CHAT: variants seen among roughly 807,000 people sequenced by gnomAD.
The protein encoded by CHAT is acetyl CoA:choline O-acetyltransferase.
Under a neutral mutation model 76.9 loss-of-function variants are expected in CHAT, and 61 were observed. The observed-to-expected ratio is 0.79, with a 90% confidence interval of 0.65 to 0.98. The LOEUF (loss-of-function observed/expected upper bound fraction) is 0.98. CHAT is among the 50% of genes least tolerant of loss of function. The pLI is 0.00. For synonymous variants in CHAT, 407 were observed against 397.4 expected (o/e 1.02, Z -0.29); for missense variants, 946 against 986.9 (o/e 0.96, Z 0.56).
intron 7 of CHAT, among the ~76,000 whole-genome samples, chr10:49,632,812 A>C (rs1214211692): frequency 6.6e-6 from 1 of 152,070 alleles, no homozygotes; most frequent in Non-Finnish European, 1.5e-5. Flanking sequence ...CTGCCACGAC[A>C]CTGAGGGCAT....
intron 7 of CHAT, among the ~76,000 whole-genome samples, chr10:49,634,146 G>A (rs1327879553): frequency 6.6e-6 from 1 of 152,210 alleles, no homozygotes; most frequent in Non-Finnish European, 1.5e-5. Context: ...TTCAGTAGGA[G>A]AATGAAGGCC....
intron 11 of CHAT, among the ~76,000 whole-genome samples, chr10:49,653,091 A>C (rs1264502123): frequency 1.3e-5 from 2 of 149,552 alleles, no homozygotes; most frequent in African/African-American, 4.9e-5. Context: ...CATTCTGGGC[A>C]TCTCGCATGC....
In CHAT at chr10:49,614,245, G is replaced by T. The variant is rs546932446; in HGVS notation, c.56G>T (p.Arg19Ile). The T allele has an allele frequency of 3.2e-6, 5 of 1,545,880 alleles. No homozygotes were observed. In the African/African-American group the frequency reaches 5.5e-5, roughly 17 times the overall value. ...RGLGGGGKWK[R>I]EEGGGTRGRR... ...CTTGGGGGAGGGGGGAAATGGAAGA[G>T]AGAGGAGGGAGGAGGTACAAGAGGA... The change falls in exon 1 of 15, where the codon AGA becomes ATA. Residue 19 changes from arginine to isoleucine, a missense_variant. This residue lies in a region of CHAT where 548 missense variants were observed against 516.2 expected (regional missense o/e 1.06). Transcript: ENST00000337653.
At chr10:49,639,536 TATATAC>T (rs1452688441) in intron 7 of CHAT, among the ~76,000 whole-genome samples, 6 of 19,518 alleles carry the variant, frequency 3.1e-4, no homozygotes, top group African/African-American at 6.0e-4. Context: ...ATATAGTATA[TATATAC>T]ACACACACAC....
intron 7 of CHAT, 140 bp from the exon 8 acceptor site, chr10:49,646,365 G>A (rs992056135): frequency 9.6e-6 from 10 of 1,041,742 alleles, no homozygotes; most frequent in East Asian, 9.5e-5. Context: ...GGGGCAAGGT[G>A]GGGGGTCAGG....
upstream of CHAT, chr10:49,612,331 C>T (rs148062083): frequency 1.2e-4 from 194 of 1,585,554 alleles, no homozygotes; most frequent in African/African-American, 2.1e-3. Flanking sequence ...CTACTACACC[C>T]GCAGCTAGCA....
chr10:49,639,107 C>T (rs568555895), intron 7 of CHAT, among the ~76,000 whole-genome samples: 2 of 152,080 alleles, frequency 1.3e-5, no homozygotes, highest in Non-Finnish European at 2.9e-5. Flanking sequence ...TGGTGGCAGG[C>T]GCCTGTAATC....
chr10:49,652,791 C>A (rs1164112101), intron 11 of CHAT, among the ~76,000 whole-genome samples: 1 of 151,840 alleles, frequency 6.6e-6, no homozygotes, highest in African/African-American at 2.4e-5. Context: ...CCAGCTCTCT[C>A]CTGCCTCCTG....
At chr10:49,648,078 T>G in intron 8 of CHAT, 3 of 235,446 alleles carry the variant, frequency 1.3e-5, no homozygotes, top group Non-Finnish European at 2.5e-5. Context: ...GGAAGTGAGT[T>G]TCTTTGTAGA....
At position 49,665,603 on chromosome 10, in the gene CHAT, C is replaced by T. The variant is rs1302835621; in HGVS notation, c.*557C>T. On this transcript the variant is annotated 3_prime_UTR_variant, in exon 15 of 15. Transcript: ENST00000337653. The stretch of plus-strand genomic sequence containing the variant: ...TACAGTCCTACAAGCACCCACTCCT[C>T]CCACACACACCACAGAGCCCAAGTC... Among the ~76,000 whole-genome samples, 4 of 152,164 alleles carry T rather than the reference C, an allele frequency of 2.6e-5. No homozygotes were observed. Among genetic ancestry groups the T allele is most frequent in the Non-Finnish European group, 5.9e-5 (4 of 68,042 alleles).
chr10:49,666,324 G>T lies in CHAT; in HGVS notation c.*1278G>T, dbSNP rs1318519978. Among the ~76,000 whole-genome samples, 1 of 152,220 alleles carries T rather than the reference G, an allele frequency of 6.6e-6. No homozygotes were observed. Among genetic ancestry groups the T allele is most frequent in the Non-Finnish European group, 1.5e-5 (1 of 68,038 alleles). ...GGGCAGGACAGGCAGGTCAGCAGAG[G>T]CAGAGTTGAGATGTCTCCAGAGACT... On this transcript the variant is annotated 3_prime_UTR_variant, in exon 15 of 15. Coordinates refer to ENST00000337653, the MANE Select transcript of CHAT (RefSeq NM_020549.5).
chr10:49,611,775 C>T (rs138830933), upstream of CHAT: 2 of 1,603,284 alleles, frequency 1.2e-6, no homozygotes, highest in Admixed American at 1.7e-5. Flanking sequence ...TCTACCTCAC[C>T]GTGCGCCTGG....
At position 49,614,368 on chromosome 10, in the gene CHAT, A is replaced by T; in HGVS notation, c.179A>T (p.His60Leu). The T allele has an allele frequency of 7.1e-7, 1 of 1,418,402 alleles. No homozygotes were observed. The highest frequency in any genetic ancestry group is 2.0e-5 in the Admixed American group (1 of 49,982). The allele number at this position is 1,418,402 out of a possible 1,614,324, so 87.9% of individuals were successfully genotyped here. The stretch of plus-strand genomic sequence containing the variant: ...GCCGGGAACCCAGGCTGCAGCCCCC[A>T]CCCCCGCGCTGCGACACGCCCCCCA... ...GPAGNPGCSP[H>L]PRAATRPPPL... is the part of the protein sequence containing the mutation. The change falls in exon 1 of 15, where the codon CAC (histidine) becomes CTC (leucine). Residue 60 changes from histidine (H) to leucine (L), a missense_variant. Transcript: ENST00000337653.
rs142869273 is a variant in CHAT at position 49,631,966 on chromosome 10, G to GC, written c.1111+4181_1111+4182insC. 5.3e-3 allele frequency among the ~76,000 whole-genome samples: 804 copies of GC among 151,688 alleles called. 7 individuals are homozygous for GC. The highest frequency in any genetic ancestry group is 0.018 in the African/African-American group (749 of 41,300). On this transcript the variant is annotated intron_variant, in intron 7 of 14. Coordinates refer to ENST00000337653, the MANE Select transcript of CHAT (RefSeq NM_020549.5). Reference sequence around the variant, plus strand: ...AGAAACAAGGGGGATGATGGTTATTGGGGGGGTAAAACCTAACAGCTCCAG... The same window carrying GC: ...AGAAACAAGGGGGATGATGGTTATTGCGGGGGGTAAAACCTAACAGCTCCAG...
At chr10:49,638,032 C>T (rs779203914) in intron 7 of CHAT, among the ~76,000 whole-genome samples, 6 of 152,302 alleles carry the variant, frequency 3.9e-5, no homozygotes, top group Middle Eastern at 3.4e-3. Context: ...CTGTTGAGAG[C>T]GGTGTTACAG....
intron 7 of CHAT, among the ~76,000 whole-genome samples, chr10:49,632,745 C>T (rs1021335827): frequency 6.6e-6 from 1 of 152,242 alleles, no homozygotes; most frequent in Non-Finnish European, 1.5e-5. Context: ...AGCCTTCACC[C>T]TGCCCCCAAC....
rs80097077 is a variant in CHAT, at chr10:49,655,142, G to A, written c.1682G>A (p.Arg561Gln). ...ACCTACGAGAGCGCGTCCATCCGCC[G>A]ATTCCAGGAGGGACGCGTGGACAAC... The part of the protein sequence containing the change: ...VPTYESASIR[R>Q]FQEGRVDNIR... Residue 561 changes from arginine to glutamine, a missense_variant, in exon 12 of 15, where the codon CGA becomes CAA. Coordinates refer to ENST00000337653, the MANE Select transcript of CHAT (RefSeq NM_020549.5). 15,499 of 1,614,060 alleles carry A rather than the reference G, an allele frequency of 9.6e-3. 87 individuals carry two copies. Among genetic ancestry groups the A allele is most frequent in the Admixed American group, 0.012 (702 of 60,012 alleles).
Position 49,627,627 on chromosome 10 carries a change from T to C in CHAT, c.953T>C (p.Val318Ala). The change falls in exon 7 of 15, where the codon GTC (valine) becomes GCC (alanine). Residue 318 changes from valine (V) to alanine (A), a missense_variant. Around this residue, in one of 3 missense-constraint regions of CHAT, gnomAD observed 548 missense variants for 516.2 expected, o/e 1.06. Transcript: ENST00000337653. Reference sequence around the variant, plus strand: ...CCACAGTTCTTTGTCTTGGATGTTGTCATTAATTTCCGCCGTCTCAGTGAG... The same window carrying C: ...CCACAGTTCTTTGTCTTGGATGTTGCCATTAATTTCCGCCGTCTCAGTGAG... Reference protein sequence around the residue: ...CCNQFFVLDVVINFRRLSEGD... With the variant: ...CCNQFFVLDVAINFRRLSEGD... 1 of 1,614,150 alleles carries C rather than the reference T, an allele frequency of 6.2e-7. No individual in the cohort carries two copies. Among genetic ancestry groups the C allele is most frequent in the Non-Finnish European group, 8.5e-7 (1 of 1,179,962 alleles).
At chr10:49,620,816 G>A (rs1838679482) in intron 4 of CHAT, among the ~76,000 whole-genome samples, 2 of 152,222 alleles carry the variant, frequency 1.3e-5, no homozygotes, top group Non-Finnish European at 2.9e-5. Context: ...CACACAATTA[G>A]CCTTAGTCTA....
Sources: allele counts gnomAD v4.1 joint callset (sites outside exome capture counted in the v4.1 genomes callset), GRCh38; gene constraint gnomAD v4.1.1; regional missense constraint gnomAD v4.1.1; transcripts MANE v1.5; gene names NCBI Gene and HGNC (gene_info 2026-07-23, HGNC 2026-07-21).